The following MIDEAS variants were observed in gnomAD, a reference collection of about 807,000 sequenced individuals.
The protein encoded by MIDEAS is mitotic deacetylase-associated SANT domain protein.
Under a neutral mutation model 102.7 loss-of-function variants are expected in MIDEAS, and 26 were observed. The ratio of observed to expected loss-of-function variants is 0.25; its 90% CI spans 0.19 to 0.35. The LOEUF (loss-of-function observed/expected upper bound fraction) is 0.35, where lower values mean the gene tolerates loss of function less well. MIDEAS is among the 10% of genes least tolerant of loss of function. MIDEAS has a pLI of 1.00. For synonymous variants in MIDEAS, 585 were observed against 591.0 expected (o/e 0.99, Z 0.15); for missense variants, 1,231 against 1,435.6 (o/e 0.86, Z 2.30).
intron 1 of MIDEAS, among the ~76,000 whole-genome samples, chr14:73,757,763 G>A (rs2053503262): frequency 6.6e-6 from 1 of 152,248 alleles, no homozygotes; most frequent in Non-Finnish European, 1.5e-5. Context: ...TCTAGACACA[G>A]GAGGCCCTCA....
chr14:73,774,563 G>A lies in MIDEAS; in HGVS notation c.-248+12539C>T, dbSNP rs77061672. Among the ~76,000 whole-genome samples the A allele has an allele frequency of 2.6e-5, 4 of 152,062 alleles. No individual in the cohort carries two copies. The East Asian group carries it at 7.8e-4, about 30-fold the overall frequency. ...TATCCTTCTTCAAGGAGGGCCAGTA[G>A]GAAGAGATGCTTCTGCCACCTCTAA... On this transcript the variant is annotated intron_variant, in intron 1 of 11. Transcript: ENST00000394071.
Position 73,767,736 on chromosome 14 carries a change from T to C in MIDEAS, c.-248+19366A>G, listed in dbSNP as rs528167879. The stretch of plus-strand genomic sequence containing the variant: ...ACACCTCTGGAAACTCCCATGAAAG[T>C]AGGCCCATGTAATGTGGAACAAGCT... On this transcript the variant is annotated intron_variant, in intron 1 of 11. Transcript: ENST00000394071. Among the ~76,000 whole-genome samples, 9 of 152,314 alleles carry C rather than the reference T, an allele frequency of 5.9e-5. No individual in the cohort carries two copies. In the South Asian group the frequency reaches 1.5e-3, roughly 25 times the overall value.
chr14:73,769,376 T>G (rs2053621484), intron 1 of MIDEAS, among the ~76,000 whole-genome samples: 1 of 152,092 alleles, frequency 6.6e-6, no homozygotes, highest in Non-Finnish European at 1.5e-5. Context: ...CATCAGTAAA[T>G]CATCGAGAGG....
intron 1 of MIDEAS, among the ~76,000 whole-genome samples, chr14:73,749,313 C>A (rs2140140030): frequency 6.9e-6 from 1 of 144,292 alleles, no homozygotes; most frequent in South Asian, 2.2e-4. Flanking sequence ...CCAGGAGGAT[C>A]ACTTGAGCCC....
intron 2 of MIDEAS, among the ~76,000 whole-genome samples, 180 bp downstream of exon 2, chr14:73,738,380 C>G (rs2053231308): frequency 6.6e-6 from 1 of 152,180 alleles, no homozygotes; most frequent in Non-Finnish European, 1.5e-5. Flanking sequence ...AATATTTCTG[C>G]AAAAGAAAGT....
rs779206791 is a variant in MIDEAS at position 73,725,338 on chromosome 14, G to C, written c.2508C>G (p.Ala836=). 1.1e-5 allele frequency: 17 copies of C among 1,613,886 alleles called. No individual in the cohort carries two copies. The highest frequency in any genetic ancestry group is 1.4e-5 in the Non-Finnish European group (16 of 1,179,946). ...TGCCTTTGTTGAACAGCTTCCTCTCGGCCATCTTCCACTGGTCAGAGCCTA... is the reference window on the plus strand; with the variant it reads ...TGCCTTTGTTGAACAGCTTCCTCTCCGCCATCTTCCACTGGTCAGAGCCTA... The part of the protein sequence containing the change: ...HYTGSDQWKM[A]ERKLFNKGIA... The change falls in exon 9 of 13, where the codon GCC becomes GCG. Residue 836 remains alanine (A), a synonymous_variant. Transcript: ENST00000423556. The surrounding 1 kb of genome is among the most constrained non-coding windows in gnomAD (Gnocchi z 4.1).
At chr14:73,730,061 C>G in intron 3 of MIDEAS, 76 bp from the exon 4 acceptor site, 1 of 1,450,132 alleles carries the variant, frequency 6.9e-7, no homozygotes, top group African/African-American at 1.4e-5. Context: ...CACAGCTTGC[C>G]AGTCTCACCT....
rs1347576892 is a variant in MIDEAS, at chr14:73,717,415, C to G, written c.*1428G>C. On this transcript the variant is annotated 3_prime_UTR_variant, in exon 13 of 13. Transcript: ENST00000423556. ...CAGAATCCAGGCCCCATAAACCAAA[C>G]TAGAATTCTGGCCTCTTGCCAACTC... is the stretch of plus-strand genomic sequence containing the variant. 1.3e-5 allele frequency: 2 copies of G among 152,242 alleles called. No individual in the cohort carries two copies. Among genetic ancestry groups the G allele is most frequent in the Non-Finnish European group, 2.9e-5 (2 of 68,058 alleles). The allele number at this position is 152,242 out of a possible 1,614,324, so 9.4% of individuals were successfully genotyped here.
At chr14:73,723,999 C>T (rs935970489) in intron 9 of MIDEAS, 5 of 152,246 alleles carry the variant, frequency 3.3e-5, no homozygotes, top group African/African-American at 1.2e-4. Context: ...AGTCTTCCTC[C>T]TGACTCTGCT....
chr14:73,778,353 ACT>A lies in MIDEAS; in HGVS notation c.-248+8747_-248+8748del, dbSNP rs1250104687. 2.7e-5 allele frequency among the ~76,000 whole-genome samples: 4 copies of A among 147,946 alleles called. 1 individual carries two copies. Among genetic ancestry groups the A allele is most frequent in the African/African-American group, 1.0e-4 (4 of 40,000 alleles). On this transcript the variant is annotated intron_variant, in intron 1 of 11. Coordinates refer to the MIDEAS transcript ENST00000394071. Reference sequence around the variant, plus strand: ...ACTCCAGCCTGGGCGACAGAGCGAGACTCTGTCTCAAAAAAAAAAAAAACGTG... The same window carrying A: ...ACTCCAGCCTGGGCGACAGAGCGAGACTGTCTCAAAAAAAAAAAAAACGTG...
At chr14:73,736,339 AAGG>A (rs1225082150) in intron 3 of MIDEAS, among the ~76,000 whole-genome samples, 4 of 152,102 alleles carry the variant, frequency 2.6e-5, no homozygotes. Flanking sequence ...TCAATCTTAG[AAGG>A]AGATGTCGGC....
chr14:73,779,378 G>C (rs1257522762), intron 1 of MIDEAS, among the ~76,000 whole-genome samples: 1 of 127,272 alleles, frequency 7.9e-6, no homozygotes, highest in Non-Finnish European at 1.6e-5. Flanking sequence ...CTGGACGACA[G>C]AGCACGATTC....
Position 73,721,432 on chromosome 14 carries a change from C to T in MIDEAS, c.2802G>A (p.Glu934=), listed in dbSNP as rs1450051727. The part of the protein sequence containing the change: ...PSEERLEPKR[E]VKEPRKEGEE... ...CCCCCTCCTTCCTGGGCTCCTTCAC[C>T]TCCCTCTTGGGCTCCAGCCTCTCTT... The change falls in exon 11 of 13, where the codon GAG becomes GAA. Residue 934 remains glutamate (E), a synonymous_variant. Transcript: ENST00000423556. The T allele has an allele frequency of 1.2e-6, 2 of 1,614,038 alleles. No homozygotes were observed. Among genetic ancestry groups the T allele is most frequent in the African/African-American group, 2.7e-5 (2 of 74,908 alleles).
chr14:73,783,716 G>T (rs1242571513), intron 1 of MIDEAS, among the ~76,000 whole-genome samples: 3 of 152,198 alleles, frequency 2.0e-5, no homozygotes, highest in African/African-American at 7.2e-5. Context: ...GAAAGAAGAA[G>T]GTTTAAGGGG....
intron 1 of MIDEAS, among the ~76,000 whole-genome samples, chr14:73,786,160 CCCG>C (rs2053805882): frequency 6.6e-6 from 1 of 152,194 alleles, no homozygotes; most frequent in Non-Finnish European, 1.5e-5. Context: ...CCAACGTGTC[CCCG>C]CCGCCGCCGC....
intron 4 of MIDEAS, 116 bp from the exon 5 acceptor site, chr14:73,727,640 AGGGAACACAGGCACCTGAGTCCTG>A: frequency 1.1e-6 from 1 of 949,408 alleles, no homozygotes; most frequent in South Asian, 1.8e-5. Context: ...GAGCTCACGC[AGGGAACACAGGCACCTGAGTCCTG>A]GCTCTGCAGC....
chr14:73,745,514 G>A (rs934799458), intron 1 of MIDEAS, among the ~76,000 whole-genome samples: 2 of 152,094 alleles, frequency 1.3e-5, no homozygotes, highest in Admixed American at 1.3e-4. Context: ...CCCCACCAGA[G>A]GAGCACAGCA....
chr14:73,772,590 T>C (rs557506226), intron 1 of MIDEAS, among the ~76,000 whole-genome samples: 1 of 152,294 alleles, frequency 6.6e-6, no homozygotes, highest in Non-Finnish European at 1.5e-5. Context: ...TGGTTTTGTT[T>C]TTTTTTCTTT....
intron 1 of MIDEAS, among the ~76,000 whole-genome samples, chr14:73,766,549 T>G (rs2053593333): frequency 6.6e-6 from 1 of 152,090 alleles, no homozygotes; most frequent in South Asian, 2.1e-4. Flanking sequence ...TCCATTTCTT[T>G]TCTTTTCTTT....
Sources: gnomAD v4.1 joint callset for allele counts (sites outside exome capture counted in the v4.1 genomes callset) on GRCh38, gnomAD v4.1.1 for gene constraint, Gnocchi (gnomAD v3.1) non-coding constraint, MANE v1.5 for transcripts, NCBI Gene and HGNC (gene_info 2026-07-23, HGNC 2026-07-21) for gene names.